ZMYM5: variants seen among roughly 807,000 people sequenced by gnomAD.
The protein encoded by ZMYM5 is zinc finger MYM-type containing 5.
A neutral mutation model predicts 61.8 loss-of-function variants in ZMYM5; 41 were observed. The observed-to-expected ratio is 0.66, with a 90% CI of 0.52 to 0.86. The LOEUF (loss-of-function observed/expected upper bound fraction) is 0.86. Ranked by LOEUF, ZMYM5 falls within the 40% of genes least tolerant of loss-of-function variation. The pLI, the probability that ZMYM5 is intolerant of heterozygous loss-of-function variation, is 0.00. For synonymous variants in ZMYM5, 257 were observed against 276.4 expected, an observed-to-expected ratio of 0.93 and a Z score of 0.70; for missense variants, 706 against 786.7, an observed-to-expected ratio of 0.90 and a Z score of 1.23.
intron 2 of ZMYM5, among the ~76,000 whole-genome samples, chr13:19,860,292 ATTTT>A (rs1176148584): frequency 1.5e-5 from 2 of 130,084 alleles, no homozygotes; most frequent in Admixed American, 1.5e-4. Flanking sequence ...CACCCGTTTA[ATTTT>A]TTTTTTTTTT....
rs1890832671 is a variant in ZMYM5 at position 19,824,851 on chromosome 13, T to G, written c.1636A>C (p.Arg546=). The G allele has an allele frequency of 1.5e-6, 2 of 1,352,550 alleles. No individual in the cohort carries two copies. The highest frequency in any genetic ancestry group is 2.0e-6 in the Non-Finnish European group (2 of 1,013,388). 83.8% of individuals were successfully genotyped at this position (1,352,550 alleles called of 1,614,324 possible). A position where few individuals can be genotyped will look rare whatever the true frequency, so the allele number is the denominator to read the frequency against. The change falls in exon 8 of 8, where the codon AGA becomes CGA. Residue 546 remains arginine, a synonymous_variant. Transcript: ENST00000337963. Reference sequence around the variant, plus strand: ...TTATCTTTTGGAAAGTTAAAATTTCTTACTTGAGGCGGAACATTTTCAACA... The same window carrying G: ...TTATCTTTTGGAAAGTTAAAATTTCGTACTTGAGGCGGAACATTTTCAACA... ...TLVENVPPQV[R]NFNFPKDNTG... is the part of the protein sequence containing the mutation.
intron 4 of ZMYM5, among the ~76,000 whole-genome samples, chr13:19,840,358 T>C (rs1381465045): frequency 6.6e-6 from 1 of 152,116 alleles, no homozygotes; most frequent in Non-Finnish European, 1.5e-5. Flanking sequence ...CTACAAAAAA[T>C]AAAATTAGCT....
intron 6 of ZMYM5, among the ~76,000 whole-genome samples, chr13:19,836,770 A>T (rs11839389): frequency 0.098 from 14,947 of 152,146 alleles, 865 homozygotes; most frequent in African/African-American, 0.16. Flanking sequence ...CATGTTCTTG[A>T]TATGCATGAC....
chr13:19,836,431 G>A (rs11840619), intron 6 of ZMYM5, among the ~76,000 whole-genome samples: 14,929 of 152,020 alleles, frequency 0.098, 857 homozygotes, highest in African/African-American at 0.16. Flanking sequence ...CCCGCTTAAA[G>A]GAAATGGGTC....
At chr13:19,860,448 ATGTGTGTG>A (rs1205444485) in intron 2 of ZMYM5, among the ~76,000 whole-genome samples, 1 of 141,444 alleles carries the variant, frequency 7.1e-6, no homozygotes, top group African/African-American at 2.6e-5. Flanking sequence ...GTGTGTGTGT[ATGTGTGTG>A]TGTGTGTGTG....
intron 7 of ZMYM5, among the ~76,000 whole-genome samples, chr13:19,829,975 G>A (rs1891120619): frequency 6.6e-6 from 1 of 152,040 alleles, no homozygotes; most frequent in African/African-American, 2.4e-5. Context: ...GGATTTCTTG[G>A]ACAAGATGAT....
At chr13:19,852,535 T>C (rs1309924898) in intron 2 of ZMYM5, among the ~76,000 whole-genome samples, 1 of 152,334 alleles carries the variant, frequency 6.6e-6, no homozygotes, top group Admixed American at 6.5e-5. Flanking sequence ...ATATTCCATA[T>C]GCTTTTACCT....
intron 4 of ZMYM5, among the ~76,000 whole-genome samples, chr13:19,849,418 C>T (rs770626189): frequency 6.6e-6 from 1 of 152,022 alleles, no homozygotes; most frequent in African/African-American, 2.4e-5. Context: ...GCCACTGCAC[C>T]CAGCCTATAT....
At chr13:19,851,599 T>C (rs937382966) in intron 3 of ZMYM5, 90 bp downstream of exon 3, 2 of 1,547,344 alleles carry the variant, frequency 1.3e-6, no homozygotes, top group African/African-American at 2.7e-5. Context: ...TCACAGAGCT[T>C]ATACCTGTTT....
intron 7 of ZMYM5, among the ~76,000 whole-genome samples, chr13:19,831,212 G>C (rs1778645636): frequency 2.0e-5 from 3 of 149,000 alleles, no homozygotes. Flanking sequence ...CTGCAGTCTT[G>C]ACCTCCCAAG....
chr13:19,836,537 G>A (rs549032134), intron 6 of ZMYM5, among the ~76,000 whole-genome samples: 1 of 151,978 alleles, frequency 6.6e-6, no homozygotes, highest in Non-Finnish European at 1.5e-5. Flanking sequence ...TCAAACTCCT[G>A]GACTCCAGTG....
intron 7 of ZMYM5, among the ~76,000 whole-genome samples, chr13:19,827,833 C>G (rs1257964848): frequency 6.6e-6 from 1 of 150,848 alleles, no homozygotes; most frequent in Non-Finnish European, 1.5e-5. Context: ...AGATCGAGAC[C>G]ATGGTGAAAC....
intron 2 of ZMYM5, among the ~76,000 whole-genome samples, chr13:19,861,223 ACTG>A (rs1418222639): frequency 2.0e-5 from 3 of 152,062 alleles, no homozygotes; most frequent in Non-Finnish European, 4.4e-5. Context: ...ATCACTGCTC[ACTG>A]CAGCTTCAAC....
intron 6 of ZMYM5, among the ~76,000 whole-genome samples, chr13:19,837,059 T>A (rs141402479): frequency 0.012 from 1,737 of 151,020 alleles, 36 homozygotes; most frequent in African/African-American, 0.039. Flanking sequence ...TGAGACAGAG[T>A]CTTGCTCTAT....
intron 6 of ZMYM5, among the ~76,000 whole-genome samples, chr13:19,836,531 A>C: frequency 6.6e-6 from 1 of 151,602 alleles, no homozygotes. Flanking sequence ...TCCACCTCAA[A>C]CTCCTGGACT....
At chr13:19,827,962 T>C (rs1890997451) in intron 7 of ZMYM5, among the ~76,000 whole-genome samples, 1 of 130,412 alleles carries the variant, frequency 7.7e-6, no homozygotes, top group Admixed American at 1.0e-4. Flanking sequence ...GAGATTGCAG[T>C]GAGCCGAGAT....
rs1385416135 is a variant in ZMYM5 at position 19,837,857 on chromosome 13, A to G, written c.873-36T>C. On this transcript the variant is annotated intron_variant, in intron 5 of 7. Transcript: ENST00000337963. ...AGGGATAGACACATAATTTAAGAAC[A>G]CTGAATTTTAATACAAGTCAAATAT... is the stretch of plus-strand genomic sequence containing the variant. The G allele has an allele frequency of 1.9e-6, 3 of 1,559,602 alleles. No individual in the cohort carries two copies. The Admixed American group carries it at 7.0e-5, about 37-fold the overall frequency.
At chr13:19,845,949 C>G (rs988149631) in intron 4 of ZMYM5, among the ~76,000 whole-genome samples, 1 of 152,190 alleles carries the variant, frequency 6.6e-6, no homozygotes, top group Non-Finnish European at 1.5e-5. Flanking sequence ...CTCTCCCAGA[C>G]TTTGGGCTGG....
intron 2 of ZMYM5, among the ~76,000 whole-genome samples, chr13:19,858,213 A>C (rs912501626): frequency 6.6e-6 from 1 of 151,488 alleles, no homozygotes. Context: ...TAAAAAAAAA[A>C]AACAAAAAAA....
Sources: gnomAD v4.1 joint callset for allele counts (sites outside exome capture counted in the v4.1 genomes callset) on GRCh38, gnomAD v4.1.1 for gene constraint, MANE v1.5 for transcripts, NCBI Gene and HGNC (gene_info 2026-07-23, HGNC 2026-07-21) for gene names.